The following CSMD1 variants were observed in gnomAD, a reference collection of about 807,000 sequenced individuals.
CSMD1 encodes the protein CUB and Sushi multiple domains 1, also known as CUB and sushi domain-containing protein 1.
Under a neutral mutation model 417.5 loss-of-function variants are expected in CSMD1, and 213 were observed. The ratio of observed to expected loss-of-function variants is 0.51; its 90% CI spans 0.46 to 0.57. The LOEUF is 0.57. CSMD1 is among the 20% of genes least tolerant of loss of function. CSMD1 has a pLI of 0.00. For missense variants in CSMD1, 6,923 were observed against 4,529.7 expected, an observed-to-expected ratio of 1.53 and a Z score of -15.17; for synonymous variants, 2,862 against 1,736.8, an observed-to-expected ratio of 1.65 and a Z score of -16.11.
At chr8:4,389,381 T>G (rs11774916) in intron 3 of CSMD1, among the ~76,000 whole-genome samples, 1 of 152,002 alleles carries the variant, frequency 6.6e-6, no homozygotes, top group African/African-American at 2.4e-5. Flanking sequence ...GAAATTACTA[T>G]TAATGAGGTC....
chr8:3,740,416 G>A (rs1375015496), intron 6 of CSMD1, among the ~76,000 whole-genome samples: 1 of 152,204 alleles, frequency 6.6e-6, no homozygotes, highest in Non-Finnish European at 1.5e-5. Context: ...CTGAATAAGA[G>A]CCAAATGCCT....
chr8:4,674,423 G>A (rs1040303849), intron 1 of CSMD1, among the ~76,000 whole-genome samples: 1 of 152,134 alleles, frequency 6.6e-6, no homozygotes, highest in African/African-American at 2.4e-5. Flanking sequence ...AACAGGTAGG[G>A]TGATGCCAGG....
intron 2 of CSMD1, among the ~76,000 whole-genome samples, chr8:4,464,292 G>A (rs1277779619): frequency 2.6e-5 from 4 of 151,990 alleles, no homozygotes; most frequent in East Asian, 1.9e-4. Context: ...TATTATGTAT[G>A]CATGCAATGG....
chr8:3,639,471 C>G (rs777875047), intron 7 of CSMD1, among the ~76,000 whole-genome samples: 2 of 152,120 alleles, frequency 1.3e-5, no homozygotes, highest in African/African-American at 2.4e-5. Flanking sequence ...AATTGTCTAA[C>G]TGAGCATGAA....
At position 2,966,552 on chromosome 8, in the gene CSMD1, T is replaced by C. The variant is rs1183962937; in HGVS notation, c.9100+18A>G. 3.1e-6 allele frequency: 5 copies of C among 1,608,514 alleles called. No homozygotes were observed. The highest frequency in any genetic ancestry group is 3.4e-6 in the Non-Finnish European group (4 of 1,175,654). ...TTCATAGTAACGTCTGAGTCTACCATGATGTCTGCTTACTAACTTGTGCAG... is the reference window on the plus strand; with the variant it reads ...TTCATAGTAACGTCTGAGTCTACCACGATGTCTGCTTACTAACTTGTGCAG... On this transcript the variant is annotated intron_variant, in intron 58 of 69. Transcript: ENST00000635120.
At chr8:4,286,870 G>T (rs999994731) in intron 3 of CSMD1, among the ~76,000 whole-genome samples, 1 of 152,180 alleles carries the variant, frequency 6.6e-6, no homozygotes, top group South Asian at 2.1e-4. Flanking sequence ...AATTACACTT[G>T]AGGCCACTTC....
chr8:3,979,625 G>C (rs1053763058), intron 5 of CSMD1, among the ~76,000 whole-genome samples: 3 of 152,188 alleles, frequency 2.0e-5, no homozygotes, highest in Admixed American at 6.5e-5. Context: ...AAAAGAGGAA[G>C]AGATTCCAGA....
At chr8:4,921,775 C>T (rs1806514996) in intron 1 of CSMD1, among the ~76,000 whole-genome samples, 1 of 152,172 alleles carries the variant, frequency 6.6e-6, no homozygotes. Context: ...CTCCACCAGC[C>T]ATTTTTTTCT....
In CSMD1 at chr8:4,342,656, G is replaced by A. The variant is rs7009595; in HGVS notation, c.415+77297C>T. On this transcript the variant is annotated intron_variant, in intron 3 of 69. Coordinates refer to ENST00000635120, the MANE Select transcript of CSMD1 (RefSeq NM_033225.6). Reference sequence around the variant, plus strand: ...TTCTTTATTTATTTTCATCACATGTGATGCTAAACATGAACTGGCTGCCCA... The same window carrying A: ...TTCTTTATTTATTTTCATCACATGTAATGCTAAACATGAACTGGCTGCCCA... Among the ~76,000 whole-genome samples the A allele has an allele frequency of 7.9e-3, 1,208 of 152,148 alleles. 18 individuals are homozygous for A. Among genetic ancestry groups the A allele is most frequent in the African/African-American group, 0.028 (1,161 of 41,526 alleles).
intron 55 of CSMD1, among the ~76,000 whole-genome samples, chr8:2,976,708 T>C (rs969437868): frequency 3.3e-5 from 5 of 152,204 alleles, no homozygotes; most frequent in East Asian, 1.9e-4. Flanking sequence ...ATTTTAAGGA[T>C]TGCTTTGCTT....
chr8:2,998,916 C>T (rs758524024), intron 53 of CSMD1, among the ~76,000 whole-genome samples: 1 of 152,140 alleles, frequency 6.6e-6, no homozygotes, highest in African/African-American at 2.4e-5. Context: ...GAACTTTGTA[C>T]ATTTTTCACA....
chr8:4,394,721 C>G (rs1376722982), intron 3 of CSMD1, among the ~76,000 whole-genome samples: 1 of 152,168 alleles, frequency 6.6e-6, no homozygotes, highest in Non-Finnish European at 1.5e-5. Context: ...TTGCCCAGAT[C>G]AAAGAGTGAC....
chr8:4,982,614 A>G (rs1037142873), intron 1 of CSMD1, among the ~76,000 whole-genome samples: 10 of 152,230 alleles, frequency 6.6e-5, no homozygotes, highest in African/African-American at 2.2e-4. Context: ...TATAAAAGGT[A>G]AGAAGAAATG....
chr8:3,737,932 T>A (rs1254224582), intron 6 of CSMD1, among the ~76,000 whole-genome samples: 1 of 152,184 alleles, frequency 6.6e-6, no homozygotes, highest in Non-Finnish European at 1.5e-5. Context: ...AGGTAGATAA[T>A]TGTCAAGGGA....
intron 2 of CSMD1, among the ~76,000 whole-genome samples, chr8:4,570,246 G>C (rs929946897): frequency 6.6e-6 from 1 of 152,148 alleles, no homozygotes; most frequent in Non-Finnish European, 1.5e-5. Flanking sequence ...TCCAGCTTTT[G>C]ACCATTCTGT....
intron 3 of CSMD1, among the ~76,000 whole-genome samples, chr8:4,184,747 G>A (rs1798568296): frequency 6.8e-6 from 1 of 146,594 alleles, no homozygotes; most frequent in African/African-American, 2.5e-5. Flanking sequence ...ATGGGTACTG[G>A]GCTTAATACC....
chr8:4,015,212 G>A (rs996416520), intron 4 of CSMD1, among the ~76,000 whole-genome samples: 1 of 152,188 alleles, frequency 6.6e-6, no homozygotes, highest in Admixed American at 6.5e-5. Flanking sequence ...TGACGTGACA[G>A]ATCATTTAAG....
At chr8:3,267,287 G>A (rs778084416) in intron 26 of CSMD1, among the ~76,000 whole-genome samples, 9 of 152,192 alleles carry the variant, frequency 5.9e-5, no homozygotes, top group Non-Finnish European at 1.0e-4. Flanking sequence ...ATAGCTTTGC[G>A]TCTCACAAGG....
rs144404357 is a variant in CSMD1, at chr8:4,483,081, G to C, written c.303-63016C>G. Among the ~76,000 whole-genome samples the C allele has an allele frequency of 7.9e-4, 120 of 152,300 alleles. 1 individual carries two copies. Among genetic ancestry groups the C allele is most frequent in the East Asian group, 3.1e-3 (16 of 5,180 alleles). ...CCCATAATTCCCATGTGTTGTGGGAGATAATTGAATGACAGGGGCAGTCTC... is the reference window on the plus strand; with the variant it reads ...CCCATAATTCCCATGTGTTGTGGGACATAATTGAATGACAGGGGCAGTCTC... On this transcript the variant is annotated intron_variant, in intron 2 of 69. Transcript: ENST00000635120.
Sources: allele counts gnomAD v4.1 joint callset (sites outside exome capture counted in the v4.1 genomes callset), GRCh38; gene constraint gnomAD v4.1.1; transcripts MANE v1.5; gene names NCBI Gene and HGNC (gene_info 2026-07-23, HGNC 2026-07-21).